MDN1: variants seen among roughly 807,000 people sequenced by gnomAD.
MDN1 encodes the protein midasin.
MDN1 carries 266 observed loss-of-function variants against 669.2 expected under a neutral mutation model. The ratio of observed to expected loss-of-function variants is 0.40; its 90% CI spans 0.36 to 0.44. The LOEUF (loss-of-function observed/expected upper bound fraction) is 0.44, where lower values mean the gene tolerates loss of function less well. MDN1 is among the 20% of genes least tolerant of loss of function. MDN1 has a pLI of 1.00. For synonymous variants in MDN1, 2,385 were observed against 2,457.1 expected (o/e 0.97, Z 0.87); for missense variants, 5,940 against 6,754.0 (o/e 0.88, Z 4.22).
chr6:89,685,985 CA>C lies in MDN1; in HGVS notation c.11573-13del. The C allele has an allele frequency of 1.2e-6, 2 of 1,608,010 alleles. No individual in the cohort carries two copies. Among genetic ancestry groups the C allele is most frequent in the Non-Finnish European group, 1.7e-6 (2 of 1,178,210 alleles). On this transcript the variant is annotated splice_polypyrimidine_tract_variant and intron_variant, in intron 69 of 101. Transcript: ENST00000369393. The stretch of plus-strand genomic sequence containing the variant: ...CATCTGTTTGTCATCTTTAAAAATT[CA>C]AAGAGAAAAATATATATGTTCCTTC...
At chr6:89,704,615 G>GT (rs1813397931) in intron 53 of MDN1, among the ~76,000 whole-genome samples, 1 of 152,118 alleles carries the variant, frequency 6.6e-6, no homozygotes, top group African/African-American at 2.4e-5. Flanking sequence ...TAGATGGAGT[G>GT]TTGCTCTGTC....
chr6:89,706,157 C>A lies in MDN1; in HGVS notation c.8050G>T (p.Val2684Leu), dbSNP rs1449589304. ...ESYHTLPHEI[V>L]VNLAAFFELC... ...TCAAAAAAAGCAGCAAGATTGACCA[C>A]AATTTCATGGGGCAGAGTGTGATAG... Residue 2684 changes from valine (V) to leucine (L), a missense_variant, in exon 53 of 102, where the codon GTG (valine) becomes TTG (leucine). By Grantham distance (32) the Val-to-Leu change is conservative. Coordinates refer to ENST00000369393, the MANE Select transcript of MDN1 (RefSeq NM_014611.3). 2.5e-6 allele frequency: 4 copies of A among 1,613,556 alleles called. No individual in the cohort carries two copies. In the African/African-American group the frequency reaches 5.3e-5, roughly 22 times the overall value.
chr6:89,689,876 G>C lies in MDN1; in HGVS notation c.11017C>G (p.Leu3673Val). ...GASLVTHFYP[L>V]MGVELNDRLL... ...CAAAAGTAAACTACCATACCCATCA[G>C]GGGGTAGAAGTGTGTCACAAGCGAT... is the stretch of plus-strand genomic sequence containing the variant. The change falls in exon 65 of 102, where the codon CTG (leucine) becomes GTG (valine). Residue 3673 changes from leucine (L) to valine (V), a missense_variant. By Grantham distance (32) the Leu-to-Val change is conservative. This residue lies in a region of MDN1 where 2,280 missense variants were observed against 2,576.3 expected (regional missense o/e 0.88). Coordinates refer to ENST00000369393, the MANE Select transcript of MDN1 (RefSeq NM_014611.3). 6.2e-7 allele frequency: 1 copy of C among 1,613,862 alleles called. No homozygotes were observed. The highest frequency in any genetic ancestry group is 1.7e-4 in the Middle Eastern group (1 of 5,938).
chr6:89,662,713 G>A (rs917936705), intron 86 of MDN1, 79 bp downstream of exon 86: 12 of 1,441,064 alleles, frequency 8.3e-6, no homozygotes, highest in East Asian at 2.3e-5. Context: ...AAGAAGAGAA[G>A]TAAATGACAG....
Position 89,712,759 on chromosome 6 carries a change from C to T in MDN1, c.7246G>A (p.Val2416Ile), listed in dbSNP as rs760374593. The T allele has an allele frequency of 6.2e-7, 1 of 1,614,122 alleles. No homozygotes were observed. Among genetic ancestry groups the T allele is most frequent in the Admixed American group, 1.7e-5 (1 of 60,018 alleles). The stretch of plus-strand genomic sequence containing the variant: ...GTTTCATGTGCTCGCAAAGAAGAAA[C>T]ATGTTTCTCCAGTAAAGCCTGTACA... ...KLVQALLEKH[V>I]SSLRAHETWG... is the part of the protein sequence containing the mutation. The change falls in exon 48 of 102, where the codon GTT becomes ATT. Residue 2416 changes from valine to isoleucine, a missense_variant. Around this residue, in one of 5 missense-constraint regions of MDN1, gnomAD observed 2,292 missense variants for 2,638.3 expected, o/e 0.87. Transcript: ENST00000369393.
chr6:89,698,803 A>C, intron 59 of MDN1, 62 bp downstream of exon 59: 1 of 1,520,426 alleles, frequency 6.6e-7, no homozygotes. Flanking sequence ...GTTTATTGAT[A>C]GATCCATTCA....
chr6:89,678,686 T>C lies in MDN1; in HGVS notation c.12325A>G (p.Lys4109Glu), dbSNP rs757833858. Residue 4109 changes from lysine to glutamate, a missense_variant, in exon 75 of 102, where the codon AAG becomes GAG. By Grantham distance (56) the Lys-to-Glu change is moderately conservative. Around this residue, in one of 5 missense-constraint regions of MDN1, gnomAD observed 2,280 missense variants for 2,576.3 expected, o/e 0.88. Coordinates refer to ENST00000369393, the MANE Select transcript of MDN1 (RefSeq NM_014611.3). ...QSLKVEPSAEKEKQRSEAKHI... is the reference protein window; with the variant it reads ...QSLKVEPSAEEEKQRSEAKHI... The stretch of plus-strand genomic sequence containing the variant: ...TTGGCTTCTGACCGCTGCTTCTCCT[T>C]CTCTGCAGAGGGTTCCACCTTTAAG... 115 of 1,613,962 alleles carry C rather than the reference T, an allele frequency of 7.1e-5. 1 individual carries two copies. The highest frequency in any genetic ancestry group is 1.0e-4 in the Admixed American group (6 of 59,992).
chr6:89,662,391 G>A, intron 86 of MDN1, 152 bp from the exon 87 acceptor site: 1 of 733,550 alleles, frequency 1.4e-6, no homozygotes, highest in Non-Finnish European at 2.2e-6. Context: ...AGAAAACAGT[G>A]CAGGTCTCCA....
chr6:89,661,995 G>C, intron 87 of MDN1, 92 bp downstream of exon 87: 1 of 1,452,470 alleles, frequency 6.9e-7, no homozygotes, highest in Non-Finnish European at 9.3e-7. Flanking sequence ...GACGAACAGG[G>C]GAAAAAATAT....
At chr6:89,783,339 C>A (rs1212134942) in intron 9 of MDN1, among the ~76,000 whole-genome samples, 2 of 151,974 alleles carry the variant, frequency 1.3e-5, no homozygotes, top group Non-Finnish European at 2.9e-5. Context: ...AAGATAAGGA[C>A]CGAGATACAC....
In MDN1 at chr6:89,712,638, C is replaced by T; in HGVS notation, c.7367G>A (p.Arg2456Lys). ...TEDSHLSTVR[R>K]DGQILVYCLN... ...ACAATATACTAAGATCTGTCCATCT[C>T]TTCGGACTGTAGACAGGTGTGAATC... Residue 2456 changes from arginine to lysine, a missense_variant, in exon 48 of 102, where the codon AGA becomes AAA. By Grantham distance (26) the Arg-to-Lys change is conservative. Transcript: ENST00000369393. The T allele has an allele frequency of 6.2e-7, 1 of 1,614,188 alleles. No individual in the cohort carries two copies. Among genetic ancestry groups the T allele is most frequent in the Non-Finnish European group, 8.5e-7 (1 of 1,180,018 alleles).
chr6:89,782,197 A>G (rs1562213547), intron 9 of MDN1, among the ~76,000 whole-genome samples: 1 of 152,204 alleles, frequency 6.6e-6, no homozygotes, highest in Non-Finnish European at 1.5e-5. Flanking sequence ...TAACCAAAAT[A>G]TAAGCAACCA....
Position 89,749,333 on chromosome 6 carries a change from A to C in MDN1, c.3652T>G (p.Leu1218Val). The C allele has an allele frequency of 6.2e-7, 1 of 1,614,162 alleles. No homozygotes were observed. The highest frequency in any genetic ancestry group is 8.5e-7 in the Non-Finnish European group (1 of 1,180,012). ...SRAFRNRFVE[L>V]HFDELPSSEL... Reference sequence around the variant, plus strand: ...GAGCTAGGTAACTCATCAAAGTGCAATTCCACAAACCGATTCCTGAAGGCT... The same window carrying C: ...GAGCTAGGTAACTCATCAAAGTGCACTTCCACAAACCGATTCCTGAAGGCT... Residue 1218 changes from leucine to valine, a missense_variant, in exon 26 of 102, where the codon TTG becomes GTG. By Grantham distance (32) the Leu-to-Val change is conservative. Coordinates refer to ENST00000369393, the MANE Select transcript of MDN1 (RefSeq NM_014611.3).
chr6:89,646,705 A>G, intron 99 of MDN1, 102 bp from the exon 100 acceptor site: 1 of 1,004,922 alleles, frequency 1.0e-6, no homozygotes, highest in Non-Finnish European at 1.5e-6. Context: ...ATTATCAGAT[A>G]ACCACCTCAG....
chr6:89,693,009 G>C lies in MDN1; in HGVS notation c.10021C>G (p.Pro3341Ala), dbSNP rs1465028813. ...CGTGTGAGCAGATCCTGAACAGCAGGGGCCTTGGCGATGCTGGTGACGTAG... is the reference window on the plus strand; with the variant it reads ...CGTGTGAGCAGATCCTGAACAGCAGCGGCCTTGGCGATGCTGGTGACGTAG... ...HHYVTSIAKA[P>A]AVQDLLTRLL... is the part of the protein sequence containing the mutation. Residue 3341 changes from proline (P) to alanine (A), a missense_variant, in exon 63 of 102, where the codon CCT (proline) becomes GCT (alanine). By Grantham distance (27) the Pro-to-Ala change is conservative (BLOSUM62 -1). Coordinates refer to ENST00000369393, the MANE Select transcript of MDN1 (RefSeq NM_014611.3). 1 of 1,614,200 alleles carries C rather than the reference G, an allele frequency of 6.2e-7. No individual in the cohort carries two copies.
chr6:89,738,188 T>G, intron 33 of MDN1, 138 bp downstream of exon 33: 7 of 947,120 alleles, frequency 7.4e-6, no homozygotes, highest in Non-Finnish European at 1.1e-5. Flanking sequence ...CTTGTCTACT[T>G]TGTTTCATTT....
chr6:89,732,559 G>T lies in MDN1; in HGVS notation c.4940C>A (p.Ser1647Ter). The change falls in exon 34 of 102, where the codon TCA (serine) becomes TAA (stop). Residue 1647 changes from serine (S) to a stop codon, truncating the protein, a stop_gained and splice_region_variant. Transcript: ENST00000369393. LOFTEE classifies it high-confidence loss of function. ...ACLVYIDGIG[S>*]GVTSSGFGTA... ...CCACCAGCTACCAGACAACATACCTGAACCTATTCCATCTATGTACACCAG... is the reference window on the plus strand; with the variant it reads ...CCACCAGCTACCAGACAACATACCTTAACCTATTCCATCTATGTACACCAG... The T allele has an allele frequency of 6.2e-7, 1 of 1,613,998 alleles. No homozygotes were observed. Among genetic ancestry groups the T allele is most frequent in the Non-Finnish European group, 8.5e-7 (1 of 1,179,916 alleles).
intron 46 of MDN1, 23 bp downstream of exon 46, chr6:89,714,520 G>A: frequency 6.4e-7 from 1 of 1,554,012 alleles, no homozygotes; most frequent in Non-Finnish European, 8.7e-7. Flanking sequence ...ACTCTGCAAA[G>A]GCCCAAAAGT....
In MDN1 at chr6:89,762,316, T is replaced by TA; in HGVS notation, c.2356+2dup. ...CCCATGGCAGCCTGGGTCACATCCT[T>TA]ACCAGTTTCACTGTCTTTTCCATCC... On this transcript the variant is annotated splice_region_variant and intron_variant, in intron 16 of 101. Coordinates refer to ENST00000369393, the MANE Select transcript of MDN1 (RefSeq NM_014611.3). 1 of 1,613,328 alleles carries TA rather than the reference T, an allele frequency of 6.2e-7. No homozygotes were observed. Among genetic ancestry groups the TA allele is most frequent in the Non-Finnish European group, 8.5e-7 (1 of 1,179,482 alleles).
Sources: gnomAD v4.1 joint callset for allele counts (sites outside exome capture counted in the v4.1 genomes callset) on GRCh38, gnomAD v4.1.1 for gene constraint, gnomAD v4.1.1 regional missense constraint, MANE v1.5 for transcripts, NCBI Gene and HGNC (gene_info 2026-07-23, HGNC 2026-07-21) for gene names.